Variants in LRP1 observed in about 807,000 individuals in gnomAD.
The protein encoded by LRP1 is LDL receptor related protein 1.
A neutral mutation model predicts 541.5 loss-of-function variants in LRP1; 51 were observed. That is an observed-to-expected ratio of 0.09 (90% CI 0.08 to 0.12). The LOEUF is 0.12. LRP1 is among the 10% of genes least tolerant of loss of function. The pLI is 1.00. For synonymous variants in LRP1, 2,219 were observed against 2,470.8 expected, an observed-to-expected ratio of 0.90 and a Z score of 3.02; for missense variants, 3,878 against 6,376.2, an observed-to-expected ratio of 0.61 and a Z score of 13.34.
chr12:57,131,410 G>T (rs1407841773), intron 1 of LRP1, among the ~76,000 whole-genome samples: 1 of 152,134 alleles, frequency 6.6e-6, no homozygotes, highest in African/African-American at 2.4e-5. Flanking sequence ...ATTTTCTAGT[G>T]GGGAGGGCAC....
At chr12:57,151,455 C>T (rs1464136261) in intron 6 of LRP1, among the ~76,000 whole-genome samples, 1 of 152,242 alleles carries the variant, frequency 6.6e-6, no homozygotes, top group Non-Finnish European at 1.5e-5. Flanking sequence ...TCCCTCTCTC[C>T]CCTTTGGTTT....
At chr12:57,164,623 C>T (rs1395685555) in intron 15 of LRP1, 2 of 152,188 alleles carry the variant, frequency 1.3e-5, no homozygotes, top group African/African-American at 4.8e-5. Flanking sequence ...TTATTATCCC[C>T]ATTTTACAGA....
chr12:57,189,575 T>C lies in LRP1; in HGVS notation c.7032-1230T>C, dbSNP rs2036335059. On this transcript the variant is annotated intron_variant, in intron 42 of 88. Transcript: ENST00000243077. This position sits in a 1 kb window ranked among gnomAD's most constrained non-coding sequence, Gnocchi z 4.4. Reference sequence around the variant, plus strand: ...TACGTGAGCCCAGCAGAAGGCGGGATAGTTCAATGGTGCTGGAGACGCTGG... The same window carrying C: ...TACGTGAGCCCAGCAGAAGGCGGGACAGTTCAATGGTGCTGGAGACGCTGG... Among the ~76,000 whole-genome samples, 1 of 151,934 alleles carries C rather than the reference T, an allele frequency of 6.6e-6. No individual in the cohort carries two copies. Among genetic ancestry groups the C allele is most frequent in the South Asian group, 2.1e-4 (1 of 4,800 alleles).
rs575394311 is a variant in LRP1 at position 57,136,970 on chromosome 12, G to A, written c.68-1489G>A. ...TAAGAGTTAGTTGTCAGCCGGGTGC[G>A]GTGGCTCACGCCTGTAATCCCAGCA... On this transcript the variant is annotated intron_variant, in intron 1 of 88. Coordinates refer to ENST00000243077, the MANE Select transcript of LRP1 (RefSeq NM_002332.3). 3.2e-4 allele frequency among the ~76,000 whole-genome samples: 49 copies of A among 152,294 alleles called. No homozygotes were observed. In the South Asian group the frequency reaches 7.3e-3, roughly 23 times the overall value.
At chr12:57,141,002 A>G (rs941506823) in intron 2 of LRP1, among the ~76,000 whole-genome samples, 1 of 152,110 alleles carries the variant, frequency 6.6e-6, no homozygotes, top group Non-Finnish European at 1.5e-5. Flanking sequence ...CCAAAGTGCT[A>G]GGATTATAGG....
At chr12:57,149,591 C>T in intron 6 of LRP1, 1 of 701,208 alleles carries the variant, frequency 1.4e-6, no homozygotes, top group Non-Finnish European at 2.6e-6. Flanking sequence ...ATCCAGGCAT[C>T]ATCCCTGGGA....
Position 57,184,002 on chromosome 12 carries a change from T to C in LRP1, c.5930-83T>C. The C allele has an allele frequency of 6.2e-7, 1 of 1,602,576 alleles. No homozygotes were observed. The highest frequency in any genetic ancestry group is 8.5e-7 in the Non-Finnish European group (1 of 1,173,116). On this transcript the variant is annotated intron_variant, in intron 36 of 88. Transcript: ENST00000243077. The surrounding 1 kb of genome is among the most constrained non-coding windows in gnomAD (Gnocchi z 7.8). ...AGTTGGCGGGAGCAGGAAGAGGAGC[T>C]GTAGGGGTGCCTGGGAGCTTGGAGA...
chr12:57,143,672 C>A lies in LRP1; in HGVS notation c.329-7C>A, dbSNP rs751383062. ...CCTGAATATGTGTCTCTCCTGCCCCCACACAGAGCTCCAAGGCAACTGCTC... is the reference window on the plus strand; with the variant it reads ...CCTGAATATGTGTCTCTCCTGCCCCAACACAGAGCTCCAAGGCAACTGCTC... On this transcript the variant is annotated splice_region_variant and splice_polypyrimidine_tract_variant and intron_variant, in intron 3 of 88. Transcript: ENST00000243077. 1.2e-6 allele frequency: 2 copies of A among 1,612,090 alleles called. No homozygotes were observed. Among genetic ancestry groups the A allele is most frequent in the Non-Finnish European group, 1.7e-6 (2 of 1,178,614 alleles).
At chr12:57,181,620 G>A (rs1196874594) in intron 34 of LRP1, among the ~76,000 whole-genome samples, 1 of 152,196 alleles carries the variant, frequency 6.6e-6, no homozygotes, top group Non-Finnish European at 1.5e-5. Flanking sequence ...CAAGAGTGGT[G>A]GGCAAAGTGT....
chr12:57,187,178 G>A (rs1419749791), intron 41 of LRP1, 89 bp from the exon 42 acceptor site: 46 of 1,375,496 alleles, frequency 3.3e-5, no homozygotes, highest in Non-Finnish European at 4.6e-5. Flanking sequence ...CCAGCCAGGA[G>A]AGCACCTGCC....
chr12:57,145,306 G>T lies in LRP1; in HGVS notation c.657G>T (p.Val219=). The T allele has an allele frequency of 6.2e-7, 1 of 1,614,198 alleles. No homozygotes were observed. The change falls in exon 6 of 89, where the codon GTG becomes GTT. Residue 219 remains valine, a synonymous_variant. Coordinates refer to ENST00000243077, the MANE Select transcript of LRP1 (RefSeq NM_002332.3). ...ILATYLSGAQ[V]STITPTSTRQ... ...CCACGTACCTGAGTGGGGCCCAGGTGTCTACCATCACACCTACGAGCACGC... is the reference window on the plus strand; with the variant it reads ...CCACGTACCTGAGTGGGGCCCAGGTTTCTACCATCACACCTACGAGCACGC...
At chr12:57,174,977 C>T (rs1054151282) in intron 22 of LRP1, among the ~76,000 whole-genome samples, 4 of 152,052 alleles carry the variant, frequency 2.6e-5, no homozygotes, top group African/African-American at 4.8e-5. Context: ...GGAGAACTGC[C>T]GACAGGCTAT....
chr12:57,134,262 G>T (rs2035105154), intron 1 of LRP1, among the ~76,000 whole-genome samples: 1 of 152,090 alleles, frequency 6.6e-6, no homozygotes, highest in Middle Eastern at 3.4e-3. Context: ...TTCCTCTCTA[G>T]ATCTCTCCTT....
Position 57,197,127 on chromosome 12 carries a change from C to T in LRP1, c.9038C>T (p.Pro3013Leu), listed in dbSNP as rs1293121116. The change falls in exon 56 of 89, where the codon CCC becomes CTC. Residue 3013 changes from proline (P) to leucine (L), a missense_variant. Around this residue, in one of 13 missense-constraint regions of LRP1, gnomAD observed 1,100 missense variants for 1,827.4 expected, o/e 0.60. Transcript: ENST00000243077. The surrounding 1 kb of genome is among the most constrained non-coding windows in gnomAD (Gnocchi z 4.5). ...YKCLCVEGYA[P>L]RGGDPHSCKA... ...TGTCTGTGTGTGGAGGGCTATGCAC[C>T]CCGCGGCGGCGACCCCCACAGCTGC... is the stretch of plus-strand genomic sequence containing the variant. 3 of 1,613,964 alleles carry T rather than the reference C, an allele frequency of 1.9e-6. No individual in the cohort carries two copies. The highest frequency in any genetic ancestry group is 1.6e-4 in the Middle Eastern group (1 of 6,062).
At chr12:57,164,198 T>C (rs1444222251) in intron 15 of LRP1, among the ~76,000 whole-genome samples, 2 of 152,094 alleles carry the variant, frequency 1.3e-5, no homozygotes, top group Non-Finnish European at 2.9e-5. Flanking sequence ...ATGAAATAAG[T>C]AAACAGTATA....
intron 22 of LRP1, among the ~76,000 whole-genome samples, chr12:57,174,889 A>T (rs1440472768): frequency 6.6e-6 from 1 of 152,198 alleles, no homozygotes; most frequent in Non-Finnish European, 1.5e-5. Flanking sequence ...GAGCAGCCTT[A>T]TCTGGTCCTC....
chr12:57,167,714 G>A (rs975502312), intron 19 of LRP1, among the ~76,000 whole-genome samples, 190 bp downstream of exon 19: 1 of 152,224 alleles, frequency 6.6e-6, no homozygotes, highest in African/African-American at 2.4e-5. Flanking sequence ...GGACCAAGGG[G>A]AGACCATCAC....
At chr12:57,136,398 C>T (rs542717290) in intron 1 of LRP1, among the ~76,000 whole-genome samples, 1 of 139,376 alleles carries the variant, frequency 7.2e-6, no homozygotes, top group African/African-American at 2.6e-5. Context: ...CCTAAGAGCC[C>T]CCCCCCCCCG....
chr12:57,146,983 T>C (rs1316609622), intron 6 of LRP1, among the ~76,000 whole-genome samples: 2 of 151,964 alleles, frequency 1.3e-5, no homozygotes, highest in Non-Finnish European at 2.9e-5. Flanking sequence ...TAGGTGGCTA[T>C]GGGGTGTCCT....
Sources: allele counts gnomAD v4.1 joint callset (sites outside exome capture counted in the v4.1 genomes callset), GRCh38; gene constraint gnomAD v4.1.1; regional missense constraint gnomAD v4.1.1; non-coding constraint Gnocchi (gnomAD v3.1); transcripts MANE v1.5; gene names NCBI Gene and HGNC (gene_info 2026-07-23, HGNC 2026-07-21).